SHISA9: variants seen among roughly 807,000 people sequenced by gnomAD.
SHISA9 encodes protein shisa-9.
SHISA9 carries 13 observed loss-of-function variants against 38.0 expected under a neutral mutation model. The ratio of observed to expected loss-of-function variants is 0.34; its 90% CI spans 0.22 to 0.54. The LOEUF is 0.54. Among genes scored for constraint, SHISA9 ranks in the 20% least tolerant of loss-of-function variants. The pLI is 0.91. For missense variants in SHISA9, 538 were observed against 575.8 expected, an observed-to-expected ratio of 0.93 and a Z score of 0.67; for synonymous variants, 275 against 242.0, an observed-to-expected ratio of 1.14 and a Z score of -1.27.
chr16:13,009,378 G>C (rs1397244052), intron 2 of SHISA9, among the ~76,000 whole-genome samples: 2 of 152,118 alleles, frequency 1.3e-5, no homozygotes, highest in Non-Finnish European at 2.9e-5. Flanking sequence ...CGGAGCAAAG[G>C]CACAGAGATG....
At chr16:13,415,796 T>C in the SHISA9 span, among the ~76,000 whole-genome samples, 1 of 130,846 alleles carries the variant, frequency 7.6e-6, no homozygotes, top group Non-Finnish European at 1.6e-5. Context: ...GAAAATCCAG[T>C]AACCTAACCT....
At chr16:13,556,513 A>G in the SHISA9 span, among the ~76,000 whole-genome samples, 5 of 152,096 alleles carry the variant, frequency 3.3e-5, no homozygotes, top group Admixed American at 6.5e-5. Context: ...AATACAAAAA[A>G]TTAGCCGGGC....
chr16:13,498,066 C>G, the SHISA9 span, among the ~76,000 whole-genome samples: 1 of 151,326 alleles, frequency 6.6e-6, no homozygotes, highest in Non-Finnish European at 1.5e-5. Flanking sequence ...CAAAATAAAA[C>G]AACAAATTAA....
chr16:13,089,282 C>A (rs1219186787), intron 2 of SHISA9, among the ~76,000 whole-genome samples: 2 of 152,086 alleles, frequency 1.3e-5, no homozygotes, highest in African/African-American at 4.8e-5. Context: ...TGTGTCTCTG[C>A]CAGGCTTTGG....
At chr16:12,913,771 C>A (rs367756842) in intron 1 of SHISA9, among the ~76,000 whole-genome samples, 9 of 152,088 alleles carry the variant, frequency 5.9e-5, no homozygotes, top group African/African-American at 1.9e-4. Context: ...AATGTGTGGC[C>A]TTTTGTATCT....
At chr16:13,272,140 A>T in the SHISA9 span, among the ~76,000 whole-genome samples, 1 of 152,046 alleles carries the variant, frequency 6.6e-6, no homozygotes, top group Admixed American at 6.6e-5. Context: ...TGGTTGCATC[A>T]CTTGGTAATG....
intron 2 of SHISA9, among the ~76,000 whole-genome samples, chr16:13,015,851 T>TG (rs2072737277): frequency 1.1e-5 from 1 of 94,058 alleles, no homozygotes; most frequent in Non-Finnish European, 2.6e-5. Context: ...TTTCTTTCTT[T>TG]CCCTTTCTTT....
intron 2 of SHISA9, among the ~76,000 whole-genome samples, chr16:13,108,471 T>G (rs2073947725): frequency 6.6e-6 from 1 of 152,076 alleles, no homozygotes; most frequent in African/African-American, 2.4e-5. Flanking sequence ...TTGCTAAGTT[T>G]CTCAGGCTGA....
At chr16:13,189,489 T>A (rs2050861811) in intron 2 of SHISA9, among the ~76,000 whole-genome samples, 2 of 152,246 alleles carry the variant, frequency 1.3e-5, no homozygotes, top group African/African-American at 4.8e-5. Flanking sequence ...AGCTTTGGTT[T>A]CCTTCTTTGT....
chr16:13,099,227 G>C (rs752864604), intron 2 of SHISA9, among the ~76,000 whole-genome samples: 2 of 152,210 alleles, frequency 1.3e-5, no homozygotes, highest in Non-Finnish European at 2.9e-5. Context: ...ACAATATGTA[G>C]TCTCTGGCAC....
At chr16:13,493,326 T>A in the SHISA9 span, among the ~76,000 whole-genome samples, 2 of 152,246 alleles carry the variant, frequency 1.3e-5, no homozygotes, top group South Asian at 4.2e-4. Context: ...GGCACCTGAT[T>A]TTTTACAGTG....
At chr16:13,214,933 A>G (rs937375548) in intron 4 of SHISA9, among the ~76,000 whole-genome samples, 2 of 151,954 alleles carry the variant, frequency 1.3e-5, no homozygotes, top group African/African-American at 4.8e-5. Context: ...CAGCCAAACC[A>G]TATCAATAGT....
chr16:13,486,137 T>A, the SHISA9 span, among the ~76,000 whole-genome samples: 4 of 152,316 alleles, frequency 2.6e-5, no homozygotes, highest in South Asian at 4.1e-4. Flanking sequence ...TGGATGGGCA[T>A]CTGATCCAGG....
the SHISA9 span, among the ~76,000 whole-genome samples, chr16:13,247,447 C>T: frequency 6.6e-6 from 1 of 152,154 alleles, no homozygotes; most frequent in Non-Finnish European, 1.5e-5. Flanking sequence ...GGTTAAATGT[C>T]TTACTCAAGG....
the SHISA9 span, among the ~76,000 whole-genome samples, chr16:13,417,456 C>T: frequency 6.6e-6 from 1 of 152,098 alleles, no homozygotes. Flanking sequence ...AAGAAATGGG[C>T]AGAGTGAGAA....
intron 2 of SHISA9, among the ~76,000 whole-genome samples, chr16:13,118,692 C>T (rs543416380): frequency 6.6e-5 from 10 of 151,558 alleles, no homozygotes; most frequent in African/African-American, 1.7e-4. Flanking sequence ...CTAAAGTCTA[C>T]GGCACTTTTG....
chr16:13,194,717 G>C (rs1191782257), intron 2 of SHISA9, among the ~76,000 whole-genome samples: 1 of 152,136 alleles, frequency 6.6e-6, no homozygotes, highest in Non-Finnish European at 1.5e-5. Flanking sequence ...CACACACTCA[G>C]GAAGACAAGA....
At chr16:13,394,056 T>A in the SHISA9 span, among the ~76,000 whole-genome samples, 1 of 152,190 alleles carries the variant, frequency 6.6e-6, no homozygotes, top group Non-Finnish European at 1.5e-5. Context: ...CCTTGGCGGA[T>A]GGAACTTGAA....
chr16:13,519,733 T>C, the SHISA9 span, among the ~76,000 whole-genome samples: 1 of 152,126 alleles, frequency 6.6e-6, no homozygotes, highest in Non-Finnish European at 1.5e-5. Flanking sequence ...CTTCTTCACA[T>C]GGTGGCAGGA....
Sources: allele counts gnomAD v4.1 joint callset (sites outside exome capture counted in the v4.1 genomes callset), GRCh38; gene constraint gnomAD v4.1.1; transcripts MANE v1.5; gene names NCBI Gene and HGNC (gene_info 2026-07-23, HGNC 2026-07-21).